The following PID1 variants were observed in gnomAD, a reference collection of about 807,000 sequenced individuals.
PID1 encodes PTB-containing, cubilin and LRP1-interacting protein.
Under a neutral mutation model 19.1 loss-of-function variants are expected in PID1, and 10 were observed. The ratio of observed to expected loss-of-function variants is 0.52; its 90% CI spans 0.32 to 0.89. PID1 has a LOEUF of 0.89. Ranked by LOEUF, PID1 falls within the 40% of genes least tolerant of loss-of-function variation. The pLI is 0.03. For synonymous variants in PID1, 130 were observed against 116.0 expected (o/e 1.12, Z -0.78); for missense variants, 248 against 285.3 (o/e 0.87, Z 0.94).
intron 1 of PID1, among the ~76,000 whole-genome samples, chr2:229,178,958 C>A (rs997100460): frequency 3.3e-5 from 5 of 152,144 alleles, no homozygotes; most frequent in Non-Finnish European, 7.4e-5. Flanking sequence ...AACCCAAAGC[C>A]AGATCCTCTC....
At chr2:229,169,853 A>T (rs957738712) in intron 1 of PID1, among the ~76,000 whole-genome samples, 1 of 152,234 alleles carries the variant, frequency 6.6e-6, no homozygotes, top group African/African-American at 2.4e-5. Context: ...GTTCCAGATG[A>T]CTTAGACAAA....
intron 2 of PID1, among the ~76,000 whole-genome samples, chr2:229,107,503 CAA>C (rs36057425): frequency 3.6e-3 from 425 of 119,170 alleles, no homozygotes; most frequent in African/African-American, 7.9e-3. Flanking sequence ...AATATATCAC[CAA>C]AAAAAAAAAA....
chr2:229,146,525 TTGTGTGTGTGTGTG>T (rs143860908), intron 2 of PID1, among the ~76,000 whole-genome samples: 3 of 148,622 alleles, frequency 2.0e-5, no homozygotes, highest in African/African-American at 7.4e-5. Context: ...TGTGAACATT[TTGTGTGTGTGTGTG>T]TGTGTGTGTG....
At chr2:229,216,907 G>A (rs188336240) in intron 1 of PID1, among the ~76,000 whole-genome samples, 25 of 151,984 alleles carry the variant, frequency 1.6e-4, no homozygotes, top group African/African-American at 5.3e-4. Flanking sequence ...AAAAGCAAAG[G>A]AGAAGGAAGA....
intron 1 of PID1, among the ~76,000 whole-genome samples, chr2:229,244,399 T>C (rs149172475): frequency 1.5e-4 from 23 of 152,294 alleles, no homozygotes; most frequent in African/African-American, 5.3e-4. Context: ...AGTCTGTCTA[T>C]AGGGAGTCCC....
chr2:229,046,064 A>C (rs1366134567), intron 2 of PID1, among the ~76,000 whole-genome samples: 1 of 152,202 alleles, frequency 6.6e-6, no homozygotes, highest in African/African-American at 2.4e-5. Context: ...CAGGGCCTGA[A>C]GGAAAAAATG....
intron 2 of PID1, among the ~76,000 whole-genome samples, chr2:229,081,555 G>A (rs1694669349): frequency 6.6e-6 from 1 of 152,184 alleles, no homozygotes; most frequent in Non-Finnish European, 1.5e-5. Context: ...GCATGCTGAT[G>A]CAGATGGCAT....
At chr2:229,202,784 A>G (rs549888002) in intron 1 of PID1, among the ~76,000 whole-genome samples, 2 of 152,246 alleles carry the variant, frequency 1.3e-5, no homozygotes, top group Non-Finnish European at 2.9e-5. Flanking sequence ...TAGTGTTCCA[A>G]TTACAATAGG....
In PID1 at chr2:229,131,196, TTTTTCTTTTC is replaced by T. The variant is rs376715362; in HGVS notation, c.177+24612_177+24621del. On this transcript the variant is annotated intron_variant, in intron 2 of 2. Coordinates refer to ENST00000392055, the MANE Select transcript of PID1 (RefSeq NM_001100818.2). The stretch of plus-strand genomic sequence containing the variant: ...ATAAACACTTTAAATAAATACTACA[TTTTTCTTTTC>T]TTTTCTTTTCTTTTCTCTTTTCTTT... Among the ~76,000 whole-genome samples the T allele has an allele frequency of 1.6e-4, 25 of 151,848 alleles. 1 individual carries two copies. Among genetic ancestry groups the T allele is most frequent in the African/African-American group, 5.1e-4 (21 of 41,352 alleles).
chr2:229,216,852 G>C (rs73998593), intron 1 of PID1, among the ~76,000 whole-genome samples: 5,436 of 152,000 alleles, frequency 0.036, 284 homozygotes, highest in African/African-American at 0.12. Context: ...CCTGAAAAAG[G>C]CACTTTAGAA....
intron 1 of PID1, among the ~76,000 whole-genome samples, chr2:229,241,414 C>T (rs899553509): frequency 6.6e-6 from 1 of 152,106 alleles, no homozygotes; most frequent in East Asian, 1.9e-4. Flanking sequence ...TAGGCTAGGT[C>T]TGTTTCCATT....
intron 1 of PID1, among the ~76,000 whole-genome samples, chr2:229,253,981 T>C (rs2106286026): frequency 6.6e-6 from 1 of 152,318 alleles, no homozygotes; most frequent in Admixed American, 6.5e-5. Flanking sequence ...TACCAGGGTC[T>C]GGGCAGCAGG....
intron 1 of PID1, among the ~76,000 whole-genome samples, chr2:229,220,328 G>A (rs1469156384): frequency 6.6e-6 from 1 of 152,214 alleles, no homozygotes; most frequent in Non-Finnish European, 1.5e-5. Context: ...AGCCAGGTGA[G>A]AGAGCCCCAG....
chr2:229,217,348 A>G (rs1032202807), intron 1 of PID1, among the ~76,000 whole-genome samples: 3 of 152,248 alleles, frequency 2.0e-5, no homozygotes, highest in African/African-American at 7.2e-5. Context: ...CTTTGCTTTA[A>G]TTAATGATAG....
intron 2 of PID1, among the ~76,000 whole-genome samples, chr2:229,107,026 G>T (rs887995035): frequency 1.6e-4 from 25 of 152,150 alleles, no homozygotes; most frequent in Non-Finnish European, 2.9e-4. Context: ...TAAGAGACAG[G>T]AGAGAGAGAT....
At chr2:229,121,262 A>T (rs973912275) in intron 2 of PID1, among the ~76,000 whole-genome samples, 2 of 152,178 alleles carry the variant, frequency 1.3e-5, no homozygotes, top group African/African-American at 2.4e-5. Context: ...ATGGGGTCTC[A>T]GACAGTAATT....
chr2:229,218,075 A>T (rs148755703), intron 1 of PID1, among the ~76,000 whole-genome samples: 153 of 152,312 alleles, frequency 1.0e-3, no homozygotes, highest in African/African-American at 3.3e-3. Context: ...TCTCTGTAAT[A>T]GTCCTTTACT....
At chr2:229,186,028 T>C (rs1215143602) in intron 1 of PID1, among the ~76,000 whole-genome samples, 1 of 152,194 alleles carries the variant, frequency 6.6e-6, no homozygotes, top group Non-Finnish European at 1.5e-5. Flanking sequence ...ATTTGATACA[T>C]ACAGCCATTC....
intron 1 of PID1, among the ~76,000 whole-genome samples, chr2:229,160,365 G>GAA (rs148808413): frequency 6.2e-5 from 9 of 144,370 alleles, no homozygotes; most frequent in Admixed American, 1.4e-4. Flanking sequence ...AACAGAAAAA[G>GAA]AAAAAAGAAA....
Sources: allele counts gnomAD v4.1 joint callset (sites outside exome capture counted in the v4.1 genomes callset), GRCh38; gene constraint gnomAD v4.1.1; transcripts MANE v1.5; gene names NCBI Gene and HGNC (gene_info 2026-07-23, HGNC 2026-07-21).